SECISBP2L: variants seen among roughly 807,000 people sequenced by gnomAD.
SECISBP2L encodes selenocysteine insertion sequence-binding protein 2-like.
A neutral mutation model predicts 114.7 loss-of-function variants in SECISBP2L; 43 were observed. The ratio of observed to expected loss-of-function variants is 0.38; its 90% confidence interval spans 0.29 to 0.48. The LOEUF (loss-of-function observed/expected upper bound fraction) is 0.48. SECISBP2L is among the 20% of genes least tolerant of loss of function. The probability of loss-of-function intolerance (pLI) is 0.98; values close to 1 mark genes in which losing one functional copy is unlikely to be tolerated. For missense variants in SECISBP2L, 1,136 were observed against 1,301.1 expected, an observed-to-expected ratio of 0.87 and a Z score of 1.95; for synonymous variants, 451 against 439.7, an observed-to-expected ratio of 1.03 and a Z score of -0.32.
Position 48,991,031 on chromosome 15 carries a change from A to G in SECISBP2L, c.*1213T>C, listed in dbSNP as rs576589705. 1 of 152,370 alleles carries G rather than the reference A, an allele frequency of 6.6e-6. No individual in the cohort carries two copies. Among genetic ancestry groups the G allele is most frequent in the African/African-American group, 2.4e-5 (1 of 41,584 alleles). 9.4% of individuals were successfully genotyped at this position (152,370 alleles called of 1,614,324 possible). On this transcript the variant is annotated 3_prime_UTR_variant, in exon 18 of 18. Coordinates refer to ENST00000559471, the MANE Select transcript of SECISBP2L (RefSeq NM_001193489.2). ...CTCCTAAGCAGGTATACAAACTCCT[A>G]GAGAAGGGCAGAGATAAATAATAGT... is the stretch of plus-strand genomic sequence containing the variant.
chr15:49,027,674 T>C (rs1253870263), intron 6 of SECISBP2L, among the ~76,000 whole-genome samples, 194 bp from the exon 7 acceptor site: 2 of 151,190 alleles, frequency 1.3e-5, no homozygotes, highest in Non-Finnish European at 2.9e-5. Flanking sequence ...AGTGGCGAGA[T>C]CTTGGCTCAC....
chr15:49,009,268 T>C lies in SECISBP2L; in HGVS notation c.1975A>G (p.Ser659Gly). 1 of 1,614,184 alleles carries C rather than the reference T, an allele frequency of 6.2e-7. No individual in the cohort carries two copies. Among genetic ancestry groups the C allele is most frequent in the Non-Finnish European group, 8.5e-7 (1 of 1,180,020 alleles). ...QGSPASSGIG[S>G]PMASSTITKI... is the part of the protein sequence containing the mutation. ...GTTATTGTTGAAGATGCCATTGGAC[T>C]GCCTATTCCAGAACTAGCAGGAGAG... The change falls in exon 14 of 18, where the codon AGT becomes GGT. Residue 659 changes from serine to glycine, a missense_variant. By Grantham distance (56) the Ser-to-Gly change is moderately conservative. Coordinates refer to ENST00000559471, the MANE Select transcript of SECISBP2L (RefSeq NM_001193489.2).
chr15:49,041,827 T>C (rs996058632), intron 1 of SECISBP2L, among the ~76,000 whole-genome samples: 4 of 152,220 alleles, frequency 2.6e-5, no homozygotes, highest in African/African-American at 7.2e-5. Flanking sequence ...TTACATCTCA[T>C]GGCAAAAGAT....
At chr15:49,027,703 G>C (rs994430476) in intron 6 of SECISBP2L, among the ~76,000 whole-genome samples, 1 of 151,614 alleles carries the variant, frequency 6.6e-6, no homozygotes, top group African/African-American at 2.4e-5. Flanking sequence ...CCGCCTCCCG[G>C]GTTCAAGCAA....
chr15:49,040,628 A>C (rs1036167516), intron 1 of SECISBP2L, among the ~76,000 whole-genome samples: 4 of 129,610 alleles, frequency 3.1e-5, no homozygotes, highest in Admixed American at 9.7e-5. Context: ...CTCCGCCTCC[A>C]GGGTTCACGC....
chr15:49,027,540 G>T, intron 6 of SECISBP2L, 60 bp from the exon 7 acceptor site: 2 of 1,015,842 alleles, frequency 2.0e-6, no homozygotes, highest in South Asian at 1.8e-5. Flanking sequence ...AACCTAAATT[G>T]ACCTGACTTC....
chr15:48,995,775 CTCT>C (rs1270645701), intron 17 of SECISBP2L: 1 of 152,210 alleles, frequency 6.6e-6, no homozygotes, highest in African/African-American at 2.4e-5. Context: ...TAGTCTGTAT[CTCT>C]TCTTGATTAC....
At chr15:49,046,244 C>T (rs778121573) in intron 1 of SECISBP2L, 32 bp downstream of exon 1, 1 of 1,571,954 alleles carries the variant, frequency 6.4e-7, no homozygotes, top group African/African-American at 1.4e-5. Context: ...CCCCAACCCC[C>T]GGCTCGGCGG....
At chr15:48,993,666 T>C (rs557037553) in intron 17 of SECISBP2L, among the ~76,000 whole-genome samples, 7 of 150,522 alleles carry the variant, frequency 4.7e-5, no homozygotes, top group African/African-American at 1.5e-4. Flanking sequence ...ATTTCTAACA[T>C]CTGTGAAAGG....
At chr15:49,010,929 A>G (rs1902425227) in intron 13 of SECISBP2L, among the ~76,000 whole-genome samples, 1 of 152,210 alleles carries the variant, frequency 6.6e-6, no homozygotes, top group African/African-American at 2.4e-5. Flanking sequence ...ACTAAAATAC[A>G]TGGGGTAAGC....
rs1251893845 is a variant in SECISBP2L at position 48,988,683 on chromosome 15, G to C, written c.*3561C>G. On this transcript the variant is annotated 3_prime_UTR_variant, in exon 18 of 18. Coordinates refer to ENST00000559471, the MANE Select transcript of SECISBP2L (RefSeq NM_001193489.2). ...TATTAGTACAGAAGAATCCCCACTAGTATTTACATAGTGCAAAAAAGCTGT... is the reference window on the plus strand; with the variant it reads ...TATTAGTACAGAAGAATCCCCACTACTATTTACATAGTGCAAAAAAGCTGT... The C allele has an allele frequency of 2.2e-6, 1 of 448,230 alleles. No individual in the cohort carries two copies. The highest frequency in any genetic ancestry group is 2.0e-5 in the African/African-American group (1 of 49,618). 27.8% of individuals were successfully genotyped at this position (448,230 alleles called of 1,614,324 possible).
intron 4 of SECISBP2L, among the ~76,000 whole-genome samples, chr15:49,031,010 T>C (rs576798448): frequency 1.3e-4 from 19 of 151,624 alleles, no homozygotes; most frequent in African/African-American, 4.3e-4. Flanking sequence ...TTTTTCTTAA[T>C]GTCCCATAAT....
At chr15:48,996,899 C>A (rs1902103840) in intron 16 of SECISBP2L, among the ~76,000 whole-genome samples, 1 of 152,162 alleles carries the variant, frequency 6.6e-6, no homozygotes, top group Admixed American at 6.5e-5. Flanking sequence ...ACAGAGGGTA[C>A]AAAGATGACT....
rs1319654322 is a variant in SECISBP2L at position 49,035,431 on chromosome 15, G to A, written c.431C>T (p.Thr144Ile). The change falls in exon 3 of 18, where the codon ACC becomes ATC. Residue 144 changes from threonine (T) to isoleucine (I), a missense_variant. Around this residue, in one of 2 missense-constraint regions of SECISBP2L, gnomAD observed 452 missense variants for 452.3 expected, o/e 1.00. Coordinates refer to ENST00000559471, the MANE Select transcript of SECISBP2L (RefSeq NM_001193489.2). ...ACTTGGACGCTCAGTGCATTCTGTG[G>A]TGATAGCATTTACAGTATTTGCAGC... ...FQAANTVNAI[T>I]TECTERPSQL... is the part of the protein sequence containing the mutation. 6.2e-7 allele frequency: 1 copy of A among 1,614,180 alleles called. No homozygotes were observed. Among genetic ancestry groups the A allele is most frequent in the South Asian group, 1.1e-5 (1 of 91,086 alleles).
rs543165058 is a variant in SECISBP2L at position 48,990,089 on chromosome 15, T to G, written c.*2155A>C. ...TATAAATAAACACTTCTGAAGTCTA[T>G]AGCAAAACTAAAAGTTACCAGTGTT... On this transcript the variant is annotated 3_prime_UTR_variant, in exon 18 of 18. Transcript: ENST00000559471. 16 of 152,752 alleles carry G rather than the reference T, an allele frequency of 1.0e-4. No individual in the cohort carries two copies. Among genetic ancestry groups the G allele is most frequent in the Admixed American group, 9.1e-4 (14 of 15,302 alleles). 9.5% of individuals were successfully genotyped at this position (152,752 alleles called of 1,614,324 possible). A position where few individuals can be genotyped will look rare whatever the true frequency, so the allele number is the denominator to read the frequency against.
intron 17 of SECISBP2L, among the ~76,000 whole-genome samples, chr15:48,995,010 C>T (rs915412057): frequency 6.6e-5 from 10 of 152,086 alleles, no homozygotes; most frequent in African/African-American, 1.9e-4. Context: ...TAACTGATTA[C>T]ACCTAAAACC....
chr15:49,029,229 T>C (rs912482217), intron 4 of SECISBP2L, among the ~76,000 whole-genome samples: 20 of 152,170 alleles, frequency 1.3e-4, no homozygotes, highest in Non-Finnish European at 1.0e-4. Flanking sequence ...CCATCAACCA[T>C]TTAGGAAAGA....
rs1902891696 is a variant in SECISBP2L, at chr15:49,031,663, A to C, written c.664+1302T>G. 1.3e-5 allele frequency among the ~76,000 whole-genome samples: 2 copies of C among 152,172 alleles called. 1 individual carries two copies. Among genetic ancestry groups the C allele is most frequent in the South Asian group, 4.1e-4 (2 of 4,836 alleles). ...ATTAAAAACTTAACTGAAGAATAAA[A>C]ATACTGACAGAATTAAAATCCTCAG... is the stretch of plus-strand genomic sequence containing the variant. On this transcript the variant is annotated intron_variant, in intron 4 of 17. Coordinates refer to ENST00000559471, the MANE Select transcript of SECISBP2L (RefSeq NM_001193489.2).
At position 49,012,683 on chromosome 15, in the gene SECISBP2L, T is replaced by C; in HGVS notation, c.1696A>G (p.Ile566Val). 6.2e-7 allele frequency: 1 copy of C among 1,611,676 alleles called. No homozygotes were observed. The highest frequency in any genetic ancestry group is 8.5e-7 in the Non-Finnish European group (1 of 1,178,662). The stretch of plus-strand genomic sequence containing the variant: ...GCTGTGGGTCGTTTTAGTTTTGCAA[T>C]TTCCTTCTCTTTTCCTTTTTTTGCT... Reference protein sequence around the residue: ...SKAKKGKEKEIAKLKRPTALK... With the variant: ...SKAKKGKEKEVAKLKRPTALK... The change falls in exon 12 of 18, where the codon ATT becomes GTT. Residue 566 changes from isoleucine to valine, a missense_variant. By Grantham distance (29) the Ile-to-Val change is conservative. Around this residue, in one of 2 missense-constraint regions of SECISBP2L, gnomAD observed 684 missense variants for 848.7 expected, o/e 0.81. Coordinates refer to ENST00000559471, the MANE Select transcript of SECISBP2L (RefSeq NM_001193489.2).
Sources: gnomAD v4.1 joint callset for allele counts (sites outside exome capture counted in the v4.1 genomes callset) on GRCh38, gnomAD v4.1.1 for gene constraint, gnomAD v4.1.1 regional missense constraint, MANE v1.5 for transcripts, NCBI Gene and HGNC (gene_info 2026-07-23, HGNC 2026-07-21) for gene names.